The following XPO7 variants were observed in gnomAD, a reference collection of about 807,000 sequenced individuals.
The protein encoded by XPO7 is exportin 7.
XPO7 carries 21 observed loss-of-function variants against 144.3 expected under a neutral mutation model. The observed-to-expected ratio is 0.15, with a 90% CI of 0.10 to 0.21. XPO7 has a LOEUF of 0.21. Ranked by LOEUF, XPO7 falls within the 10% of genes least tolerant of loss-of-function variation. The pLI is 1.00. For synonymous variants in XPO7, 580 were observed against 499.6 expected (o/e 1.16, Z -2.15); for missense variants, 808 against 1,325.8 (o/e 0.61, Z 6.06).
chr8:21,994,285 AC>A, intron 19 of XPO7, 77 bp from the exon 20 acceptor site: 1 of 1,020,590 alleles, frequency 9.8e-7, no homozygotes. Flanking sequence ...ATTTGATGAT[AC>A]ATGTGTGGAA....
Position 21,982,635 on chromosome 8 carries a change from T to G in XPO7, c.1105-5T>G. The G allele has an allele frequency of 6.3e-7, 1 of 1,577,764 alleles. No homozygotes were observed. Among genetic ancestry groups the G allele is most frequent in the Non-Finnish European group, 8.6e-7 (1 of 1,163,932 alleles). On this transcript the variant is annotated splice_polypyrimidine_tract_variant and splice_region_variant and intron_variant, in intron 10 of 27. Coordinates refer to ENST00000252512, the MANE Select transcript of XPO7 (RefSeq NM_015024.5). ...TATGCCTTCTGCTTTTCTACTTTTCTTTAGCACTGGGAATTTGCTCCAAAT... is the reference window on the plus strand; with the variant it reads ...TATGCCTTCTGCTTTTCTACTTTTCGTTAGCACTGGGAATTTGCTCCAAAT...
At chr8:21,985,744 T>G (rs1812557573) in intron 13 of XPO7, 53 bp downstream of exon 13, 1 of 1,489,530 alleles carries the variant, frequency 6.7e-7, no homozygotes, top group South Asian at 1.1e-5. Flanking sequence ...ACTTCTCCAC[T>G]CCCCGATAGG....
intron 1 of XPO7, among the ~76,000 whole-genome samples, chr8:21,957,521 C>T (rs1811575642): frequency 6.6e-6 from 1 of 152,118 alleles, no homozygotes; most frequent in Non-Finnish European, 1.5e-5. Context: ...TGCTGTTGTC[C>T]TCTTTCCTGT....
At chr8:21,938,821 T>A (rs949602243) in intron 1 of XPO7, among the ~76,000 whole-genome samples, 1 of 152,162 alleles carries the variant, frequency 6.6e-6, no homozygotes, top group Non-Finnish European at 1.5e-5. Context: ...ACTGAGACTA[T>A]CTCAAGATCC....
chr8:21,947,679 C>T (rs1296412068), intron 1 of XPO7, among the ~76,000 whole-genome samples: 2 of 151,968 alleles, frequency 1.3e-5, no homozygotes, highest in East Asian at 3.9e-4. Flanking sequence ...ACAGGGCAAG[C>T]AAAGCACTAA....
intron 1 of XPO7, among the ~76,000 whole-genome samples, chr8:21,927,668 C>A (rs1043663228): frequency 2.0e-5 from 3 of 151,874 alleles, no homozygotes; most frequent in Admixed American, 6.6e-5. Context: ...GCCTCAGCCT[C>A]CCAAGTAGCT....
chr8:21,940,217 C>G (rs1254642129), intron 1 of XPO7, among the ~76,000 whole-genome samples: 3 of 152,118 alleles, frequency 2.0e-5, no homozygotes, highest in Non-Finnish European at 4.4e-5. Context: ...AATACCAATA[C>G]CAATTCATTA....
At position 21,995,564 on chromosome 8, in the gene XPO7, T is replaced by G. The variant is rs774084718; in HGVS notation, c.2310T>G (p.Pro770=). The G allele has an allele frequency of 1.9e-6, 3 of 1,608,110 alleles. No individual in the cohort carries two copies. The Admixed American group carries it at 5.1e-5, about 27-fold the overall frequency. Residue 770 remains proline, a synonymous_variant, in exon 21 of 28, where the codon CCT becomes CCG. Coordinates refer to ENST00000252512, the MANE Select transcript of XPO7 (RefSeq NM_015024.5). ...ACCATGATCCAGCCTGTACTACACC[T>G]GTACTCAAGTTGATGGCTGAATTGG... ...LWYHDPACTT[P]VLKLMAELVH... is the part of the protein sequence containing the mutation.
intron 6 of XPO7, among the ~76,000 whole-genome samples, chr8:21,975,904 AT>A (rs1213646846): frequency 6.6e-6 from 1 of 152,226 alleles, no homozygotes; most frequent in East Asian, 1.9e-4. Flanking sequence ...GGTTTGAGAG[AT>A]TTTTGGTGAT....
intron 1 of XPO7, among the ~76,000 whole-genome samples, chr8:21,956,293 T>C (rs1811533430): frequency 6.6e-6 from 1 of 152,224 alleles, no homozygotes; most frequent in South Asian, 2.1e-4. Flanking sequence ...ATGTGATTCC[T>C]GATCCTGTTT....
At chr8:21,931,386 CTCT>C (rs1810644959) in intron 1 of XPO7, among the ~76,000 whole-genome samples, 2 of 152,064 alleles carry the variant, frequency 1.3e-5, no homozygotes, top group Non-Finnish European at 2.9e-5. Flanking sequence ...TGGTCTCGAA[CTCT>C]TGACCTCAGC....
intron 1 of XPO7, among the ~76,000 whole-genome samples, chr8:21,926,138 A>C (rs1281990721): frequency 6.6e-6 from 1 of 152,126 alleles, no homozygotes; most frequent in Non-Finnish European, 1.5e-5. Flanking sequence ...TCTTAGAAAA[A>C]CATTAGTTAG....
intron 1 of XPO7, among the ~76,000 whole-genome samples, chr8:21,920,514 A>T (rs1810243600): frequency 6.6e-6 from 1 of 152,092 alleles, no homozygotes; most frequent in Non-Finnish European, 1.5e-5. Context: ...GAAATGAGAG[A>T]TGCAGGGTTG....
chr8:21,977,057 T>C (rs1281645306), intron 7 of XPO7, among the ~76,000 whole-genome samples: 3 of 152,266 alleles, frequency 2.0e-5, no homozygotes, highest in East Asian at 1.9e-4. Context: ...ATAATAGATA[T>C]GTATTTCACC....
Position 21,994,378 on chromosome 8 carries a change from C to A in XPO7, c.2164C>A (p.Leu722Ile). 6.2e-7 allele frequency: 1 copy of A among 1,612,150 alleles called. No individual in the cohort carries two copies. Among genetic ancestry groups the A allele is most frequent in the Non-Finnish European group, 8.5e-7 (1 of 1,178,620 alleles). The change falls in exon 20 of 28, where the codon CTA becomes ATA. Residue 722 changes from leucine to isoleucine, a missense_variant. This residue lies in a region of XPO7 where 416 missense variants were observed against 612.5 expected (regional missense o/e 0.68). Coordinates refer to ENST00000252512, the MANE Select transcript of XPO7 (RefSeq NM_015024.5). The stretch of plus-strand genomic sequence containing the variant: ...TCTACTACAGCGAACTCTAGTTGGC[C>A]TAGTAAGAGACCTGAGAGGGATCGC... The part of the protein sequence containing the change: ...EQEAKRTLVG[L>I]VRDLRGIAFA...
chr8:21,954,484 A>G (rs560910617), intron 1 of XPO7, among the ~76,000 whole-genome samples: 166 of 152,190 alleles, frequency 1.1e-3, no homozygotes, highest in African/African-American at 3.8e-3. Context: ...AAATTCAAAA[A>G]TTAGCCAGGT....
At chr8:22,004,120 CTG>C in intron 27 of XPO7, 90 bp downstream of exon 27, 1 of 1,549,802 alleles carries the variant, frequency 6.5e-7, no homozygotes, top group Non-Finnish European at 8.8e-7. Context: ...TCTTTGACAT[CTG>C]TGTTTGGAGG....
chr8:21,993,137 A>G (rs1015151756), intron 19 of XPO7, among the ~76,000 whole-genome samples: 3 of 150,748 alleles, frequency 2.0e-5, no homozygotes, highest in African/African-American at 7.2e-5. Context: ...ATTGTGGAAC[A>G]TATTACCAAC....
Position 21,995,561 on chromosome 8 carries a change from A to G in XPO7, c.2307A>G (p.Thr769=), listed in dbSNP as rs1308084022. 1.9e-6 allele frequency: 3 copies of G among 1,608,630 alleles called. No homozygotes were observed. Among genetic ancestry groups the G allele is most frequent in the Admixed American group, 3.4e-5 (2 of 59,410 alleles). Residue 769 remains threonine, a synonymous_variant, in exon 21 of 28, where the codon ACA becomes ACG. Coordinates refer to ENST00000252512, the MANE Select transcript of XPO7 (RefSeq NM_015024.5). ...ELWYHDPACT[T]PVLKLMAELV... ...GGTACCATGATCCAGCCTGTACTAC[A>G]CCTGTACTCAAGTTGATGGCTGAAT...
Sources: gnomAD v4.1 joint callset for allele counts (sites outside exome capture counted in the v4.1 genomes callset) on GRCh38, gnomAD v4.1.1 for gene constraint, gnomAD v4.1.1 regional missense constraint, MANE v1.5 for transcripts, NCBI Gene and HGNC (gene_info 2026-07-23, HGNC 2026-07-21) for gene names.